SCP2: variants seen among roughly 807,000 people sequenced by gnomAD.
SCP2 encodes the protein SCP-2/3-oxoacyl-CoA thiolase.
SCP2 carries 48 observed loss-of-function variants against 71.4 expected under a neutral mutation model. That is an observed-to-expected ratio of 0.67 (90% confidence interval 0.53 to 0.86). SCP2 has a LOEUF of 0.86. Ranked by LOEUF, SCP2 falls within the 40% of genes least tolerant of loss-of-function variation. The pLI is 0.00. For missense variants in SCP2, 560 were observed against 655.6 expected (o/e 0.85, Z 1.59); for synonymous variants, 220 against 218.1 (o/e 1.01, Z -0.08).
intron 5 of SCP2, among the ~76,000 whole-genome samples, chr1:52,957,427 A>G (rs1655927060): frequency 6.6e-6 from 1 of 152,242 alleles, no homozygotes; most frequent in Non-Finnish European, 1.5e-5. Context: ...GCTACAAAAC[A>G]ATTCAATTTT....
Position 52,976,730 on chromosome 1 carries a change from C to A in SCP2, c.635C>A (p.Ser212Tyr). The A allele has an allele frequency of 6.4e-7, 1 of 1,568,268 alleles. No individual in the cohort carries two copies. The highest frequency in any genetic ancestry group is 8.8e-7 in the Non-Finnish European group (1 of 1,138,802). ...TACAGTTTAGATGAAGTGATGGCAT[C>A]TAAAGAAGTTTTTGATTTTTTGACT... is the stretch of plus-strand genomic sequence containing the variant. ...DEYSLDEVMA[S>Y]KEVFDFLTIL... Residue 212 changes from serine (S) to tyrosine (Y), a missense_variant, in exon 8 of 16, where the codon TCT (serine) becomes TAT (tyrosine). Physicochemically the swap from Ser to Tyr is moderately radical, Grantham distance 144. This residue lies in a region of SCP2 where 513 missense variants were observed against 573.1 expected (regional missense o/e 0.90). Coordinates refer to ENST00000371514, the MANE Select transcript of SCP2 (RefSeq NM_002979.5).
intron 5 of SCP2, among the ~76,000 whole-genome samples, chr1:52,956,548 T>C (rs1440986253): frequency 1.3e-5 from 2 of 152,166 alleles, no homozygotes; most frequent in South Asian, 2.1e-4. Flanking sequence ...AGAAGTTAGG[T>C]TGGATCTTAA....
intron 1 of SCP2, among the ~76,000 whole-genome samples, chr1:52,934,226 G>A (rs541637635): frequency 8.5e-5 from 13 of 152,096 alleles, no homozygotes; most frequent in Admixed American, 2.0e-4. Flanking sequence ...CAACTGAAGT[G>A]TTTGTTTCTA....
At chr1:52,995,309 C>T in intron 11 of SCP2, 1 of 480,698 alleles carries the variant, frequency 2.1e-6, no homozygotes, top group Non-Finnish European at 4.2e-6. Context: ...ACTGATGAGA[C>T]CTACTGCATT....
chr1:52,990,564 C>G (rs1197944592), intron 11 of SCP2, among the ~76,000 whole-genome samples: 1 of 151,772 alleles, frequency 6.6e-6, no homozygotes, highest in Admixed American at 6.6e-5. Context: ...GAAACACCGT[C>G]TCTACTAAAA....
chr1:53,024,157 C>A (rs1195270142), intron 12 of SCP2, among the ~76,000 whole-genome samples: 1 of 152,136 alleles, frequency 6.6e-6, no homozygotes, highest in East Asian at 1.9e-4. Context: ...GATGGATGAT[C>A]CTTGAGAACA....
chr1:52,981,589 G>A (rs1050435471), intron 10 of SCP2, among the ~76,000 whole-genome samples: 4 of 151,192 alleles, frequency 2.6e-5, no homozygotes, highest in African/African-American at 7.3e-5. Flanking sequence ...ATGCTACCAT[G>A]CCCAGCTAAT....
chr1:52,947,394 G>T (rs989606153), intron 2 of SCP2, among the ~76,000 whole-genome samples: 1 of 151,710 alleles, frequency 6.6e-6, no homozygotes, highest in Non-Finnish European at 1.5e-5. Context: ...AGTTTTAGAT[G>T]TCTGTTTGCT....
At chr1:52,932,565 C>T (rs1449218637) in intron 1 of SCP2, among the ~76,000 whole-genome samples, 1 of 152,126 alleles carries the variant, frequency 6.6e-6, no homozygotes, top group Non-Finnish European at 1.5e-5. Context: ...AGAAAAGCCC[C>T]AGGGTGGCAT....
chr1:52,977,724 G>A (rs1293359009), intron 8 of SCP2, among the ~76,000 whole-genome samples: 2 of 152,168 alleles, frequency 1.3e-5, no homozygotes, highest in Non-Finnish European at 2.9e-5. Flanking sequence ...ACATTGGAAG[G>A]CCGAGGCGGG....
intron 14 of SCP2, among the ~76,000 whole-genome samples, chr1:53,046,826 TTTG>T (rs748164276): frequency 3.3e-5 from 5 of 152,218 alleles, no homozygotes; most frequent in Non-Finnish European, 5.9e-5. Flanking sequence ...TTACAGAAAG[TTTG>T]TTAACCCTTG....
Position 53,050,721 on chromosome 1 carries a change from A to G in SCP2, c.*17A>G. The G allele has an allele frequency of 6.5e-7, 1 of 1,542,468 alleles. No homozygotes were observed. Among genetic ancestry groups the G allele is most frequent in the South Asian group, 1.1e-5 (1 of 89,614 alleles). On this transcript the variant is annotated 3_prime_UTR_variant, in exon 16 of 16. Coordinates refer to ENST00000371514, the MANE Select transcript of SCP2 (RefSeq NM_002979.5). Reference sequence around the variant, plus strand: ...AAGCTCTGAAGAACTCCCTTTGGCTACTTTTGAAAATCAAGATGAGATATA... The same window carrying G: ...AAGCTCTGAAGAACTCCCTTTGGCTGCTTTTGAAAATCAAGATGAGATATA...
intron 5 of SCP2, among the ~76,000 whole-genome samples, chr1:52,955,628 G>A (rs556920825): frequency 2.0e-4 from 30 of 152,214 alleles, no homozygotes; most frequent in African/African-American, 7.0e-4. Context: ...TATCTAAGTC[G>A]TCCAGGAAAC....
intron 15 of SCP2, chr1:53,049,094 T>G (rs1664032530): frequency 6.6e-6 from 1 of 152,230 alleles, no homozygotes; most frequent in African/African-American, 2.4e-5. Flanking sequence ...TACACACCAT[T>G]GGCACTGACA....
intron 5 of SCP2, among the ~76,000 whole-genome samples, chr1:52,956,870 A>AAT (rs1216600097): frequency 1.3e-5 from 2 of 151,426 alleles, no homozygotes; most frequent in East Asian, 1.9e-4. Flanking sequence ...ATTAAAAAGA[A>AAT]ATATATATAA....
At chr1:52,941,663 A>G (rs1354320462) in intron 1 of SCP2, 133 bp from the exon 2 acceptor site, 4 of 557,032 alleles carry the variant, frequency 7.2e-6, no homozygotes, top group African/African-American at 5.8e-5. Context: ...TGAACCCAGG[A>G]GGCAGAGGTT....
chr1:52,995,396 T>C, intron 11 of SCP2: 2 of 461,166 alleles, frequency 4.3e-6, no homozygotes, highest in East Asian at 5.2e-5. Context: ...TTGAACCACC[T>C]TGTCTCAGCC....
chr1:52,997,793 C>T (rs1660037078), intron 11 of SCP2, among the ~76,000 whole-genome samples: 1 of 152,186 alleles, frequency 6.6e-6, no homozygotes, highest in Non-Finnish European at 1.5e-5. Context: ...AAATTATATA[C>T]ATCCAGGTAG....
chr1:52,932,574 A>C (rs950843121), intron 1 of SCP2, among the ~76,000 whole-genome samples: 5 of 152,236 alleles, frequency 3.3e-5, no homozygotes, highest in African/African-American at 1.2e-4. Flanking sequence ...CCAGGGTGGC[A>C]TCTGTGCAAT....
Sources: gnomAD v4.1 joint callset for allele counts (sites outside exome capture counted in the v4.1 genomes callset) on GRCh38, gnomAD v4.1.1 for gene constraint, gnomAD v4.1.1 regional missense constraint, MANE v1.5 for transcripts, NCBI Gene and HGNC (gene_info 2026-07-23, HGNC 2026-07-21) for gene names.